The following PTPRD variants were observed in gnomAD, a reference collection of about 807,000 sequenced individuals.
The protein encoded by PTPRD is receptor-type tyrosine-protein phosphatase delta.
In PTPRD, 34 loss-of-function variants were observed where a neutral mutation model predicts 214.5. The ratio of observed to expected loss-of-function variants is 0.16; its 90% CI spans 0.12 to 0.21. PTPRD has a LOEUF of 0.21. Ranked by LOEUF, PTPRD falls within the 10% of genes least tolerant of loss-of-function variation. The pLI, the probability that PTPRD is intolerant of heterozygous loss-of-function variation, is 1.00. For missense variants in PTPRD, 2,545 were observed against 2,398.7 expected (o/e 1.06, Z -1.27); for synonymous variants, 1,128 against 845.7 (o/e 1.33, Z -5.79).
intron 34 of PTPRD, chr9:8,437,257 G>C (rs1306436673): frequency 4.0e-6 from 6 of 1,495,734 alleles, no homozygotes; most frequent in East Asian, 2.5e-5. Context: ...GGAAATGATG[G>C]TGTAAATAAA....
intron 2 of PTPRD, among the ~76,000 whole-genome samples, chr9:10,487,834 CT>C (rs35046295): frequency 0.23 from 34,029 of 147,230 alleles, 4,118 homozygotes; most frequent in East Asian, 0.38. Context: ...TTTAGAAGAA[CT>C]TTTTTTTTTT....
intron 14 of PTPRD, among the ~76,000 whole-genome samples, chr9:8,595,013 C>T (rs1394079260): frequency 6.6e-6 from 1 of 151,572 alleles, no homozygotes; most frequent in Non-Finnish European, 1.5e-5. Context: ...CAGGCCCCCA[C>T]CATCATGCCC....
At chr9:9,976,703 A>G (rs1370206019) in intron 4 of PTPRD, among the ~76,000 whole-genome samples, 1 of 150,322 alleles carries the variant, frequency 6.7e-6, no homozygotes, top group East Asian at 2.0e-4. Flanking sequence ...AAAAAAAAAA[A>G]AAAAAAAAAT....
chr9:8,723,179 A>G (rs1019647967), intron 12 of PTPRD, among the ~76,000 whole-genome samples: 2 of 152,096 alleles, frequency 1.3e-5, no homozygotes, highest in African/African-American at 4.8e-5. Context: ...CTTTGAACAC[A>G]CTAGGCTCCC....
chr9:9,717,735 G>C (rs1239291098), intron 7 of PTPRD, among the ~76,000 whole-genome samples: 2 of 152,154 alleles, frequency 1.3e-5, no homozygotes, highest in African/African-American at 2.4e-5. Context: ...CCAGATTTCT[G>C]TGCAGTGGAT....
chr9:8,720,410 C>T (rs1166543691), intron 12 of PTPRD, among the ~76,000 whole-genome samples: 3 of 152,212 alleles, frequency 2.0e-5, no homozygotes, highest in Non-Finnish European at 4.4e-5. Flanking sequence ...CAAAGCCAGT[C>T]AGGGGACTAA....
At chr9:8,562,132 G>C (rs986750578) in intron 14 of PTPRD, among the ~76,000 whole-genome samples, 1 of 152,104 alleles carries the variant, frequency 6.6e-6, no homozygotes, top group Non-Finnish European at 1.5e-5. Flanking sequence ...TGGTGACAGT[G>C]ACAGATTCTG....
intron 36 of PTPRD, among the ~76,000 whole-genome samples, chr9:8,395,136 T>C (rs1463468951): frequency 2.0e-5 from 3 of 152,266 alleles, no homozygotes; most frequent in South Asian, 4.1e-4. Context: ...GTAAGGACTG[T>C]GTCAAAAAGA....
At chr9:9,866,177 C>T (rs6477423) in intron 5 of PTPRD, among the ~76,000 whole-genome samples, 12,941 of 152,086 alleles carry the variant, frequency 0.085, 1,318 homozygotes, top group African/African-American at 0.25. Flanking sequence ...GATTTTTATT[C>T]CCTAGACTGT....
chr9:10,523,372 A>T (rs994905330), intron 2 of PTPRD, among the ~76,000 whole-genome samples: 2 of 151,516 alleles, frequency 1.3e-5, no homozygotes, highest in African/African-American at 4.8e-5. Flanking sequence ...TTAGGTGTCT[A>T]TGACAAAGCA....
rs566752229 is a variant in PTPRD, at chr9:10,015,340, A to C, written c.-472+18378T>G. On this transcript the variant is annotated intron_variant, in intron 4 of 45. Transcript: ENST00000381196. ...TGTTATTACACTAAATAAATATTTA[A>C]GTAGTTAAGAAAATCATGGCAGTAA... 4.7e-4 allele frequency among the ~76,000 whole-genome samples: 71 copies of C among 152,276 alleles called. 1 individual carries two copies. The South Asian group carries it at 0.014, about 30-fold the overall frequency.
chr9:8,584,824 G>T lies in PTPRD; in HGVS notation c.352+48493C>A, dbSNP rs572263100. Among the ~76,000 whole-genome samples, 4 of 152,308 alleles carry T rather than the reference G, an allele frequency of 2.6e-5. No homozygotes were observed. The East Asian group carries it at 7.7e-4, about 29-fold the overall frequency. On this transcript the variant is annotated intron_variant, in intron 14 of 45. Transcript: ENST00000381196. ...CTAACAGTTCAGAATGGCTGGGGAG[G>T]CCCCAGGAAACTTACAATCACGTTG... is the stretch of plus-strand genomic sequence containing the variant.
chr9:8,682,825 C>A (rs2097575569), intron 12 of PTPRD, among the ~76,000 whole-genome samples: 1 of 152,176 alleles, frequency 6.6e-6, no homozygotes, highest in Non-Finnish European at 1.5e-5. Flanking sequence ...ACTATTTTAG[C>A]TCTTCTAATG....
rs1010722436 is a variant in PTPRD at position 8,376,661 on chromosome 9, C to T, written c.4452G>A (p.Leu1484=). Residue 1484 remains leucine, a synonymous_variant, in exon 38 of 46, where the codon CTG becomes CTA. Coordinates refer to ENST00000381196, the MANE Select transcript of PTPRD (RefSeq NM_002839.4). The part of the protein sequence containing the change: ...TETHGLVQVT[L]LDTVELATYC... Reference sequence around the variant, plus strand: ...ATGTGGCCAGCTCCACAGTATCAAGCAGCGTTACTTGAACGAGTCCGTGGG... The same window carrying T: ...ATGTGGCCAGCTCCACAGTATCAAGTAGCGTTACTTGAACGAGTCCGTGGG... 7 of 1,613,012 alleles carry T rather than the reference C, an allele frequency of 4.3e-6. No individual in the cohort carries two copies. Among genetic ancestry groups the T allele is most frequent in the African/African-American group, 4.0e-5 (3 of 74,842 alleles).
intron 3 of PTPRD, among the ~76,000 whole-genome samples, chr9:10,222,883 C>G (rs893765313): frequency 7.9e-5 from 12 of 151,988 alleles, no homozygotes; most frequent in African/African-American, 2.7e-4. Context: ...TCTGGAAAAT[C>G]TCAAAGAAAG....
chr9:9,832,454 T>A (rs2055200152), intron 5 of PTPRD, among the ~76,000 whole-genome samples: 1 of 152,012 alleles, frequency 6.6e-6, no homozygotes, highest in African/African-American at 2.4e-5. Flanking sequence ...AGTCATTTAC[T>A]GTTCCATGTT....
rs141544186 is a variant in PTPRD, at chr9:9,435,484, C to G, written c.-236-38002G>C. Among the ~76,000 whole-genome samples, 497 of 152,240 alleles carry G rather than the reference C, an allele frequency of 3.3e-3. 1 individual carries two copies. The highest frequency in any genetic ancestry group is 0.011 in the African/African-American group (474 of 41,534). ...TGAGCTATGACTGTGCCACCACACTCCAGCCTGGATGACAGAGCAAGACCC... is the reference window on the plus strand; with the variant it reads ...TGAGCTATGACTGTGCCACCACACTGCAGCCTGGATGACAGAGCAAGACCC... On this transcript the variant is annotated intron_variant, in intron 8 of 45. Transcript: ENST00000381196.
rs140154234 is a variant in PTPRD, at chr9:8,376,687, T to A, written c.4426A>T (p.Thr1476Ser). The A allele has an allele frequency of 6.2e-7, 1 of 1,612,896 alleles. No individual in the cohort carries two copies. The highest frequency in any genetic ancestry group is 8.5e-7 in the Non-Finnish European group (1 of 1,179,348). The part of the protein sequence containing the change: ...DQYWPSRGTE[T>S]HGLVQVTLLD... ...AGCGTTACTTGAACGAGTCCGTGGG[T>A]TTCTGTGCCTCTGCTAGGCCAATAC... The change falls in exon 38 of 46, where the codon ACC becomes TCC. Residue 1476 changes from threonine (T) to serine (S), a missense_variant. Coordinates refer to ENST00000381196, the MANE Select transcript of PTPRD (RefSeq NM_002839.4).
At chr9:9,544,352 A>T (rs2078276402) in intron 8 of PTPRD, among the ~76,000 whole-genome samples, 3 of 151,704 alleles carry the variant, frequency 2.0e-5, no homozygotes, top group South Asian at 4.1e-4. Flanking sequence ...TAATCAATGA[A>T]GGTTCCCAAA....
Sources: allele counts gnomAD v4.1 joint callset (sites outside exome capture counted in the v4.1 genomes callset), GRCh38; gene constraint gnomAD v4.1.1; transcripts MANE v1.5; gene names NCBI Gene and HGNC (gene_info 2026-07-23, HGNC 2026-07-21).